Variants in RPL30 observed in about 807,000 individuals in gnomAD.
RPL30 encodes the protein large ribosomal subunit protein eL30.
For missense variants in RPL30, 60 were observed against 138.0 expected (o/e 0.43, Z 2.83); for synonymous variants, 40 against 50.4 (o/e 0.79, Z 0.87).
chr8:98,042,321 A>C, intron 4 of RPL30: 1 of 446,004 alleles, frequency 2.2e-6, no homozygotes, highest in East Asian at 6.0e-5. Flanking sequence ...CTCAAGAAGC[A>C]AGAATTACTT....
At chr8:98,044,430 T>C (rs192000596) in intron 3 of RPL30, 131 of 154,888 alleles carry the variant, frequency 8.5e-4, no homozygotes, top group Admixed American at 2.5e-3. Flanking sequence ...GTTTGGCTTA[T>C]TTACAACACC....
At chr8:98,044,800 T>A (rs539016750) in intron 3 of RPL30, 143 bp downstream of exon 3, 16 of 925,120 alleles carry the variant, frequency 1.7e-5, no homozygotes, top group Non-Finnish European at 2.6e-5. Flanking sequence ...GAGACGGGAA[T>A]GAAGGGCCAA....
intron 2 of RPL30, 48 bp from the exon 3 acceptor site, chr8:98,045,136 G>A (rs1321347318): frequency 6.3e-7 from 1 of 1,591,608 alleles, no homozygotes; most frequent in East Asian, 2.2e-5. Flanking sequence ...GCCTGCAACC[G>A]CCTCAAAACC....
At chr8:98,045,252 G>C in intron 2 of RPL30, 95 bp downstream of exon 2, 1 of 1,573,254 alleles carries the variant, frequency 6.4e-7, no homozygotes, top group Non-Finnish European at 8.7e-7. Context: ...AATGCCAGCA[G>C]GCATGCTGTC....
chr8:98,041,872 A>G, intron 4 of RPL30, 22 bp from the exon 5 acceptor site: 1 of 1,538,366 alleles, frequency 6.5e-7, no homozygotes, highest in Non-Finnish European at 8.9e-7. Context: ...AAATAAAAAA[A>G]CAGTAATTTT....
chr8:98,042,630 A>G lies in RPL30; in HGVS notation c.298+15T>C. ...AGGCAAAAAAAAAAAAGACTTTATGATTTAAAAAGCATACCTGGATCAATG... is the reference window on the plus strand; with the variant it reads ...AGGCAAAAAAAAAAAAGACTTTATGGTTTAAAAAGCATACCTGGATCAATG... On this transcript the variant is annotated intron_variant, in intron 4 of 4. Coordinates refer to ENST00000287038, the MANE Select transcript of RPL30 (RefSeq NM_000989.4). 6.6e-7 allele frequency: 1 copy of G among 1,510,778 alleles called. No individual in the cohort carries two copies. The highest frequency in any genetic ancestry group is 9.1e-7 in the Non-Finnish European group (1 of 1,100,470). 93.6% of individuals were successfully genotyped at this position (1,510,778 alleles called of 1,614,324 possible).
chr8:98,045,263 A>AC (rs1368713351), intron 2 of RPL30, 84 bp downstream of exon 2: 3 of 1,591,206 alleles, frequency 1.9e-6, no homozygotes, highest in Non-Finnish European at 2.6e-6. Context: ...GCATGCTGTC[A>AC]CCCCCGTGGG....
At position 98,042,791 on chromosome 8, in the gene RPL30, T is replaced by C; in HGVS notation, c.168-16A>G. 6.4e-7 allele frequency: 1 copy of C among 1,554,028 alleles called. No individual in the cohort carries two copies. The highest frequency in any genetic ancestry group is 8.7e-7 in the Non-Finnish European group (1 of 1,155,488). The stretch of plus-strand genomic sequence containing the variant: ...TTCAGATTTCCTTTGGGAACCAAAA[T>C]GGGCAAATAAATAAATGCGATACCA... On this transcript the variant is annotated splice_polypyrimidine_tract_variant and intron_variant, in intron 3 of 4. Transcript: ENST00000287038.
In RPL30 at chr8:98,044,930, TCTC is replaced by T; in HGVS notation, c.167+10_167+12del. On this transcript the variant is annotated intron_variant, in intron 3 of 4. Coordinates refer to ENST00000287038, the MANE Select transcript of RPL30 (RefSeq NM_000989.4). ...TTCGCGGTAGGCGAAGCCCGTTCAG[TCTC>T]TTCGATTACCTCAAAGCTGGGCAGT... The T allele has an allele frequency of 6.2e-7, 1 of 1,608,354 alleles. No individual in the cohort carries two copies. Among genetic ancestry groups the T allele is most frequent in the Non-Finnish European group, 8.5e-7 (1 of 1,176,630 alleles).
At chr8:98,045,317 C>A (rs1178692343) in intron 2 of RPL30, 30 bp downstream of exon 2, 3 of 1,613,962 alleles carry the variant, frequency 1.9e-6, no homozygotes, top group Admixed American at 1.7e-5. Flanking sequence ...CCACGTGAAT[C>A]GTCTTCCGGG....
chr8:98,042,120 G>C (rs1170261173), intron 4 of RPL30: 1 of 636,530 alleles, frequency 1.6e-6, no homozygotes, highest in East Asian at 3.5e-5. Context: ...CAGACCTAGG[G>C]AAAGAACTAG....
chr8:98,045,392 C>T lies in RPL30; in HGVS notation c.-25G>A, dbSNP rs752684032. ...TCTTCCTGCCTTAGGAGCGGGACGG[C>T]CCCCAACCTAGAAGAGACAGAGAAC... On this transcript the variant is annotated 5_prime_UTR_variant, in exon 2 of 5. Coordinates refer to ENST00000287038, the MANE Select transcript of RPL30 (RefSeq NM_000989.4). 3.7e-5 allele frequency: 60 copies of T among 1,613,906 alleles called. No individual in the cohort carries two copies. The highest frequency in any genetic ancestry group is 5.0e-5 in the Non-Finnish European group (59 of 1,179,932).
chr8:98,043,829 C>G (rs1246076357), intron 3 of RPL30: 2 of 152,066 alleles, frequency 1.3e-5, no homozygotes, highest in Admixed American at 6.6e-5. Context: ...AAAAACACCT[C>G]AAGCCGGGCA....
At chr8:98,044,819 A>G (rs1814446414) in intron 3 of RPL30, 124 bp downstream of exon 3, 1 of 1,131,232 alleles carries the variant, frequency 8.8e-7, no homozygotes, top group Non-Finnish European at 1.3e-6. Flanking sequence ...AAACACCACA[A>G]TCGCTACCGT....
intron 3 of RPL30, chr8:98,044,642 C>G (rs890790871): frequency 2.5e-5 from 8 of 323,474 alleles, no homozygotes; most frequent in Admixed American, 1.9e-4. Flanking sequence ...ACCAAAAAAG[C>G]AGGACACAAA....
At position 98,045,086 on chromosome 8, in the gene RPL30, T is replaced by C. The variant is rs764493865; in HGVS notation, c.24A>G (p.Lys8=). The C allele has an allele frequency of 6.2e-6, 10 of 1,613,560 alleles. No individual in the cohort carries two copies. Among genetic ancestry groups the C allele is most frequent in the South Asian group, 1.1e-5 (1 of 91,022 alleles). Residue 8 remains lysine (K), a splice_region_variant and synonymous_variant, in exon 3 of 5, where the codon AAA becomes AAG. Transcript: ENST00000287038. ...TAGAGTTGATCGACTCCAGCGACTT[T>C]TTCTACAAAGCAAACATTAAATACG... MVAAKKT[K]KSLESINSRL...
intron 4 of RPL30, 90 bp downstream of exon 4, chr8:98,042,555 C>A (rs1563744635): frequency 7.9e-7 from 1 of 1,271,436 alleles, no homozygotes; most frequent in Non-Finnish European, 1.1e-6. Context: ...AATTTAGGAA[C>A]CAAAGACATT....
In RPL30 at chr8:98,045,021, C is replaced by G; in HGVS notation, c.89G>C (p.Gly30Ala). The change falls in exon 3 of 5, where the codon GGG (glycine) becomes GCG (alanine). Residue 30 changes from glycine (G) to alanine (A), a missense_variant. Physicochemically the swap from Gly to Ala is moderately conservative, Grantham distance 60. Transcript: ENST00000287038. ...GATCATCTTCAGAGTCTGCTTGTAC[C>G]CCAGGACGTACTTCCCACTTTTCAT... ...LVMKSGKYVLGYKQTLKMIRQ... is the reference protein window; with the variant it reads ...LVMKSGKYVLAYKQTLKMIRQ... 2 of 1,614,032 alleles carry G rather than the reference C, an allele frequency of 1.2e-6. No individual in the cohort carries two copies. Among genetic ancestry groups the G allele is most frequent in the Non-Finnish European group, 1.7e-6 (2 of 1,180,016 alleles).
Position 98,045,403 on chromosome 8 carries a change from GAA to G in RPL30, c.-32-6_-32-5del, listed in dbSNP as rs1814458241. The G allele has an allele frequency of 6.2e-7, 1 of 1,613,678 alleles. No individual in the cohort carries two copies. Among genetic ancestry groups the G allele is most frequent in the Admixed American group, 1.7e-5 (1 of 59,998 alleles). On this transcript the variant is annotated splice_region_variant and splice_polypyrimidine_tract_variant and intron_variant, in intron 1 of 4. Coordinates refer to ENST00000287038, the MANE Select transcript of RPL30 (RefSeq NM_000989.4). The stretch of plus-strand genomic sequence containing the variant: ...TAGGAGCGGGACGGCCCCCAACCTA[GAA>G]GAGACAGAGAACAGGACAGGAATTT...
Sources: allele counts gnomAD v4.1 joint callset, GRCh38; gene constraint gnomAD v4.1.1; transcripts MANE v1.5; gene names NCBI Gene and HGNC (gene_info 2026-07-23, HGNC 2026-07-21).